MYT1L: variants seen among roughly 807,000 people sequenced by gnomAD.
The protein encoded by MYT1L is myelin transcription factor 1-like protein.
MYT1L carries 12 observed loss-of-function variants against 126.7 expected under a neutral mutation model. The observed-to-expected ratio is 0.09, with a 90% CI of 0.06 to 0.15. The LOEUF is 0.15. Ranked by LOEUF, MYT1L falls within the 10% of genes least tolerant of loss-of-function variation. The pLI is 1.00. For synonymous variants in MYT1L, 541 were observed against 604.2 expected (o/e 0.90, Z 1.53); for missense variants, 979 against 1,585.2 (o/e 0.62, Z 6.49).
chr2:2,295,549 G>GAGAGAGACAGACAGACAGAGAGAGAGAT (rs2095659737), intron 1 of MYT1L, among the ~76,000 whole-genome samples: 1 of 45,366 alleles, frequency 2.2e-5, no homozygotes. Flanking sequence ...GAGAGAGAGA[G>GAGAGAGACAGACAGACAGAGAGAGAGAT]AGAGAGACAG....
intron 4 of MYT1L, among the ~76,000 whole-genome samples, chr2:2,045,788 C>G (rs2068108249): frequency 6.6e-6 from 1 of 152,168 alleles, no homozygotes; most frequent in South Asian, 2.1e-4. Flanking sequence ...CTCTCAAATT[C>G]AATAAAGCTA....
rs115723780 is a variant in MYT1L at position 1,909,759 on chromosome 2, C to T, written c.1817+481G>A. 3.2e-3 allele frequency among the ~76,000 whole-genome samples: 490 copies of T among 152,250 alleles called. 3 individuals carry two copies. Among genetic ancestry groups the T allele is most frequent in the Non-Finnish European group, 5.3e-3 (361 of 68,024 alleles). On this transcript the variant is annotated intron_variant, in intron 13 of 24. Transcript: ENST00000647738. ...CCCACCTACACCTCAGGGCATTGGG[C>T]GTAACAGGAGGGAGCTCTGCCGGTT...
At position 2,224,909 on chromosome 2, in the gene MYT1L, C is replaced by G. The variant is rs990416002; in HGVS notation, c.-420-51921G>C. 1.3e-5 allele frequency among the ~76,000 whole-genome samples: 2 copies of G among 152,032 alleles called. No homozygotes were observed. The highest frequency in any genetic ancestry group is 1.3e-4 in the Admixed American group (2 of 15,266). ...GCCTTATGCTTGTGTGCTGGGCAGTCATACGCTGGGTTTGAGCCTCATGCT... is the reference window on the plus strand; with the variant it reads ...GCCTTATGCTTGTGTGCTGGGCAGTGATACGCTGGGTTTGAGCCTCATGCT... On this transcript the variant is annotated intron_variant, in intron 2 of 24. Coordinates refer to ENST00000647738, the MANE Select transcript of MYT1L (RefSeq NM_001303052.2). This position sits in a 1 kb window ranked among gnomAD's most constrained non-coding sequence, Gnocchi z 4.0.
At chr2:2,233,264 C>A (rs1382509031) in intron 2 of MYT1L, among the ~76,000 whole-genome samples, 1 of 152,184 alleles carries the variant, frequency 6.6e-6, no homozygotes, top group African/African-American at 2.4e-5. Context: ...GAAAACAGAG[C>A]AAGGGGTGCC....
intron 4 of MYT1L, among the ~76,000 whole-genome samples, chr2:2,026,473 A>C (rs938475420): frequency 6.6e-6 from 1 of 152,208 alleles, no homozygotes; most frequent in African/African-American, 2.4e-5. Context: ...ACTGTTCCGC[A>C]GACAGAAAGC....
At chr2:1,935,240 T>C (rs1183033348) in intron 9 of MYT1L, among the ~76,000 whole-genome samples, 2 of 152,228 alleles carry the variant, frequency 1.3e-5, no homozygotes, top group Admixed American at 6.5e-5. Flanking sequence ...TCTTCCATAC[T>C]GTATTATGTA....
chr2:2,320,871 T>G (rs910626434), intron 1 of MYT1L, among the ~76,000 whole-genome samples: 7 of 152,164 alleles, frequency 4.6e-5, no homozygotes, highest in African/African-American at 1.4e-4. Context: ...TTGCCATCCC[T>G]TATAATCATT....
At chr2:2,315,739 G>A (rs1056270608) in intron 1 of MYT1L, among the ~76,000 whole-genome samples, 2 of 152,162 alleles carry the variant, frequency 1.3e-5, no homozygotes, top group Admixed American at 6.5e-5. Context: ...GAGTTTTCTA[G>A]TGGGTCTATG....
chr2:2,307,860 C>T (rs1260525901), intron 1 of MYT1L, among the ~76,000 whole-genome samples: 1 of 144,576 alleles, frequency 6.9e-6, no homozygotes, highest in African/African-American at 2.6e-5. Context: ...CTATATTCCA[C>T]CTATGCTTCA....
intron 8 of MYT1L, among the ~76,000 whole-genome samples, chr2:1,966,437 C>T (rs1182048648): frequency 6.6e-6 from 1 of 152,164 alleles, no homozygotes; most frequent in Non-Finnish European, 1.5e-5. Flanking sequence ...CAGGGACATC[C>T]TTTGATTCCA....
intron 21 of MYT1L, among the ~76,000 whole-genome samples, chr2:1,829,937 T>C (rs1265767561): frequency 6.6e-6 from 1 of 152,174 alleles, no homozygotes; most frequent in African/African-American, 2.4e-5. Context: ...GACTTAAATC[T>C]CCTCTTATAA....
In MYT1L at chr2:2,085,832, C is replaced by T. The variant is rs1275352138; in HGVS notation, c.-303-31709G>A. On this transcript the variant is annotated intron_variant, in intron 3 of 24. Transcript: ENST00000647738. ...CCCACACGCACCTCTCTCTGAGACACCGCGCTCTCAGGCCCCTCTGTCCCC... is the reference window on the plus strand; with the variant it reads ...CCCACACGCACCTCTCTCTGAGACATCGCGCTCTCAGGCCCCTCTGTCCCC... 9.2e-5 allele frequency among the ~76,000 whole-genome samples: 14 copies of T among 152,198 alleles called. No homozygotes were observed. The East Asian group carries it at 2.3e-3, about 25-fold the overall frequency.
intron 2 of MYT1L, among the ~76,000 whole-genome samples, chr2:2,272,156 C>T (rs945128000): frequency 6.6e-6 from 1 of 151,608 alleles, no homozygotes; most frequent in East Asian, 1.9e-4. Flanking sequence ...TGCCTGAAGC[C>T]GAAGATGACA....
At chr2:2,295,627 C>G (rs13022656) in intron 1 of MYT1L, among the ~76,000 whole-genome samples, 362 of 12,428 alleles carry the variant, frequency 0.029, 2 homozygotes, top group African/African-American at 0.055. Context: ...GAGAGAGAGA[C>G]AGACAGACAG....
In MYT1L at chr2:2,291,038, A is replaced by G. The variant is rs1287866869; in HGVS notation, c.-520-6535T>C. 2.0e-5 allele frequency among the ~76,000 whole-genome samples: 3 copies of G among 151,756 alleles called. No individual in the cohort carries two copies. The East Asian group carries it at 5.8e-4, about 29-fold the overall frequency. On this transcript the variant is annotated intron_variant, in intron 1 of 24. Transcript: ENST00000647738. The stretch of plus-strand genomic sequence containing the variant: ...AGGGCCATTATAAAAATCAATTTAG[A>G]TTATGTAAGGGAAAGGCTAGGTAAA...
At chr2:1,882,130 T>C (rs568644672) in intron 18 of MYT1L, among the ~76,000 whole-genome samples, 2 of 152,278 alleles carry the variant, frequency 1.3e-5, no homozygotes, top group East Asian at 1.9e-4. Flanking sequence ...ATTTTGTCCA[T>C]TGTCAGGCAC....
chr2:2,032,809 G>A (rs369656631), intron 4 of MYT1L, among the ~76,000 whole-genome samples: 3 of 96,080 alleles, frequency 3.1e-5, no homozygotes, highest in African/African-American at 1.3e-4. Flanking sequence ...ACACACCCTC[G>A]CCAGTGCCTC....
intron 3 of MYT1L, among the ~76,000 whole-genome samples, chr2:2,088,242 C>T (rs1339813087): frequency 3.9e-5 from 6 of 152,206 alleles, no homozygotes; most frequent in Admixed American, 3.3e-4. Flanking sequence ...ATGACTGACT[C>T]GCTTTCTCTA....
At chr2:2,158,503 A>C (rs2087127131) in intron 3 of MYT1L, among the ~76,000 whole-genome samples, 1 of 152,124 alleles carries the variant, frequency 6.6e-6, no homozygotes, top group African/African-American at 2.4e-5. Flanking sequence ...AAGTGACTAA[A>C]AGCAGAAACC....
Sources: gnomAD v4.1 joint callset for allele counts (sites outside exome capture counted in the v4.1 genomes callset) on GRCh38, gnomAD v4.1.1 for gene constraint, Gnocchi (gnomAD v3.1) non-coding constraint, MANE v1.5 for transcripts, NCBI Gene and HGNC (gene_info 2026-07-23, HGNC 2026-07-21) for gene names.